Variants in ZC2HC1B observed in about 807,000 individuals in gnomAD.
ZC2HC1B encodes zinc finger C2HC domain-containing protein 1B.
In ZC2HC1B, 36 loss-of-function variants were observed where a neutral mutation model predicts 31.0. The observed-to-expected ratio is 1.16, with a 90% CI of 0.89 to 1.54. ZC2HC1B has a LOEUF of 1.54. Among genes scored for constraint, ZC2HC1B ranks in the 40% most tolerant of loss-of-function variants. The probability of loss-of-function intolerance (pLI) is 0.00; values close to 1 mark genes in which losing one functional copy is unlikely to be tolerated. For missense variants in ZC2HC1B, 260 were observed against 268.6 expected, an observed-to-expected ratio of 0.97 and a Z score of 0.22; for synonymous variants, 73 against 88.0, an observed-to-expected ratio of 0.83 and a Z score of 0.95.
chr6:143,926,493 AT>A lies in ZC2HC1B; in HGVS notation c.599-11146del, dbSNP rs35060996. Among the ~76,000 whole-genome samples, 98 of 150,696 alleles carry A rather than the reference AT, an allele frequency of 6.5e-4. 1 individual carries two copies. The Middle Eastern group carries it at 0.024, about 37-fold the overall frequency. On this transcript the variant is annotated intron_variant, in intron 6 of 7. Transcript: ENST00000237275. ...CTGAAAGGTATTTGATATGATTTTGATTTTTTTTTTAAATTTAGACTTGCTT... is the reference window on the plus strand; with the variant it reads ...CTGAAAGGTATTTGATATGATTTTGATTTTTTTTTAAATTTAGACTTGCTT...
Position 143,865,341 on chromosome 6 carries a change from G to A in ZC2HC1B, c.28+774G>A, listed in dbSNP as rs1167524205. On this transcript the variant is annotated intron_variant, in intron 1 of 7. Coordinates refer to ENST00000237275, the MANE Select transcript of ZC2HC1B (RefSeq NM_001013623.3). This position sits in a 1 kb window ranked among gnomAD's most constrained non-coding sequence, Gnocchi z 4.4. The stretch of plus-strand genomic sequence containing the variant: ...AAATGTAACTGGCAATACTATCGTG[G>A]TAAGTACCACTTGTAATTAGAATCT... 2.0e-5 allele frequency among the ~76,000 whole-genome samples: 3 copies of A among 152,208 alleles called. No individual in the cohort carries two copies. Among genetic ancestry groups the A allele is most frequent in the Non-Finnish European group, 2.9e-5 (2 of 68,046 alleles).
At position 143,937,768 on chromosome 6, in the gene ZC2HC1B, G is replaced by A. The variant is rs572254996; in HGVS notation, c.*14+35G>A. On this transcript the variant is annotated intron_variant, in intron 7 of 7. Coordinates refer to ENST00000237275, the MANE Select transcript of ZC2HC1B (RefSeq NM_001013623.3). ...AAAAATCACCGCTAATCCAGCTGTT[G>A]CTGACCAGTTAATGACTTTTAAGAG... 1.9e-5 allele frequency: 28 copies of A among 1,470,570 alleles called. No individual in the cohort carries two copies. The African/African-American group carries it at 2.3e-4, about 12-fold the overall frequency. 91.1% of individuals were successfully genotyped at this position (1,470,570 alleles called of 1,614,324 possible). A position where few individuals can be genotyped will look rare whatever the true frequency, so the allele number is the denominator to read the frequency against.
At chr6:143,909,508 T>G (rs1371448853) in intron 6 of ZC2HC1B, among the ~76,000 whole-genome samples, 1 of 151,606 alleles carries the variant, frequency 6.6e-6, no homozygotes, top group South Asian at 2.1e-4. Flanking sequence ...TGAATTCATC[T>G]GTGAATCTCT....
chr6:143,925,544 T>C (rs1778027046), intron 6 of ZC2HC1B, among the ~76,000 whole-genome samples: 1 of 148,580 alleles, frequency 6.7e-6, no homozygotes, highest in Non-Finnish European at 1.5e-5. Flanking sequence ...TTCTTTTTTT[T>C]TTTTTTTTTG....
chr6:143,893,986 T>G (rs1384254236), intron 4 of ZC2HC1B, among the ~76,000 whole-genome samples: 1 of 152,172 alleles, frequency 6.6e-6, no homozygotes, highest in African/African-American at 2.4e-5. Flanking sequence ...GCGCCCGGCC[T>G]GCACTGGTAT....
Position 143,886,917 on chromosome 6 carries a change from C to T in ZC2HC1B, c.349+96C>T. The T allele has an allele frequency of 4.5e-6, 5 of 1,123,484 alleles. No homozygotes were observed. Among genetic ancestry groups the T allele is most frequent in the Non-Finnish European group, 5.9e-6 (5 of 852,866 alleles). 69.6% of individuals were successfully genotyped at this position (1,123,484 alleles called of 1,614,324 possible). On this transcript the variant is annotated intron_variant, in intron 4 of 7. Coordinates refer to ENST00000237275, the MANE Select transcript of ZC2HC1B (RefSeq NM_001013623.3). The surrounding 1 kb of genome is among the most constrained non-coding windows in gnomAD (Gnocchi z 4.2). ...ACTCTGAAATTGACAATAACAATTA[C>T]ATAGAAGTAATTTTATTAATTATAT... is the stretch of plus-strand genomic sequence containing the variant.
intron 6 of ZC2HC1B, among the ~76,000 whole-genome samples, chr6:143,929,936 G>A (rs973649947): frequency 6.6e-6 from 1 of 152,078 alleles, no homozygotes; most frequent in African/African-American, 2.4e-5. Context: ...CAGTTGTAAT[G>A]TCTCCTTTTT....
intron 1 of ZC2HC1B, among the ~76,000 whole-genome samples, chr6:143,874,606 A>G (rs1406840774): frequency 6.6e-6 from 1 of 152,184 alleles, no homozygotes; most frequent in Non-Finnish European, 1.5e-5. Context: ...TGGTGGCAGC[A>G]AGAGAAAATG....
intron 6 of ZC2HC1B, among the ~76,000 whole-genome samples, chr6:143,919,100 ACTTTT>A (rs1313361729): frequency 3.3e-5 from 5 of 151,578 alleles, no homozygotes; most frequent in East Asian, 1.9e-4. Flanking sequence ...AAGGTGCTAT[ACTTTT>A]CTTTTTCTTT....
At chr6:143,935,774 C>T (rs1778171055) in intron 6 of ZC2HC1B, among the ~76,000 whole-genome samples, 1 of 150,088 alleles carries the variant, frequency 6.7e-6, no homozygotes, top group South Asian at 2.1e-4. Context: ...CTCACCTCAG[C>T]CTCCTGAGTA....
At chr6:143,932,893 T>C (rs1463268425) in intron 6 of ZC2HC1B, among the ~76,000 whole-genome samples, 1 of 152,070 alleles carries the variant, frequency 6.6e-6, no homozygotes, top group Non-Finnish European at 1.5e-5. Context: ...AGGAGCCAGA[T>C]TGTGGTGATT....
At chr6:143,906,091 G>C (rs78618361) in intron 6 of ZC2HC1B, among the ~76,000 whole-genome samples, 5,490 of 152,300 alleles carry the variant, frequency 0.036, 113 homozygotes, top group South Asian at 0.057. Flanking sequence ...TTTGGGAAAA[G>C]TCTGAGAAGG....
Position 143,884,921 on chromosome 6 carries a change from C to T in ZC2HC1B, c.90+556C>T, listed in dbSNP as rs1035883205. Among the ~76,000 whole-genome samples the T allele has an allele frequency of 4.6e-5, 7 of 152,052 alleles. No homozygotes were observed. Among genetic ancestry groups the T allele is most frequent in the East Asian group, 3.9e-4 (2 of 5,192 alleles). ...TAATTGTTGTACAGATTCAAGCTAACGGCATGTCAAGTCCCCGATTGATGG... is the reference window on the plus strand; with the variant it reads ...TAATTGTTGTACAGATTCAAGCTAATGGCATGTCAAGTCCCCGATTGATGG... On this transcript the variant is annotated intron_variant, in intron 2 of 7. Coordinates refer to ENST00000237275, the MANE Select transcript of ZC2HC1B (RefSeq NM_001013623.3). The surrounding 1 kb of genome is among the most constrained non-coding windows in gnomAD (Gnocchi z 5.1).
chr6:143,864,739 C>A (rs893287192), intron 1 of ZC2HC1B, among the ~76,000 whole-genome samples, 172 bp downstream of exon 1: 5 of 152,186 alleles, frequency 3.3e-5, no homozygotes, highest in Non-Finnish European at 5.9e-5. Flanking sequence ...ATTAGGTATT[C>A]TACCAACATT....
At position 143,886,047 on chromosome 6, in the gene ZC2HC1B, A is replaced by C. The variant is rs780707947; in HGVS notation, c.106A>C (p.Ile36Leu). ...AADVLERHGP[I>L]CKKLFNRKRK... is the part of the protein sequence containing the mutation. ...CGTTTTCTAGGAAAGGCATGGACCA[A>C]TATGTAAGAAACTCTTCAACAGAAA... The change falls in exon 3 of 8, where the codon ATA becomes CTA. Residue 36 changes from isoleucine to leucine, a missense_variant. Transcript: ENST00000237275. This position sits in a 1 kb window ranked among gnomAD's most constrained non-coding sequence, Gnocchi z 4.2. 1 of 1,536,748 alleles carries C rather than the reference A, an allele frequency of 6.5e-7. No individual in the cohort carries two copies. The highest frequency in any genetic ancestry group is 1.4e-5 in the African/African-American group (1 of 72,100).
chr6:143,937,634 T>A lies in ZC2HC1B; in HGVS notation c.599-15T>A. The A allele has an allele frequency of 6.5e-7, 1 of 1,541,696 alleles. No individual in the cohort carries two copies. Among genetic ancestry groups the A allele is most frequent in the South Asian group, 1.2e-5 (1 of 81,612 alleles). ...CTGCTTTGACATAATAACAAATCTG[T>A]TTATGTTTGCAAAGGATTAGCTATG... On this transcript the variant is annotated splice_polypyrimidine_tract_variant and intron_variant, in intron 6 of 7. Transcript: ENST00000237275.
At chr6:143,912,157 G>A (rs1171432895) in intron 6 of ZC2HC1B, among the ~76,000 whole-genome samples, 1 of 151,940 alleles carries the variant, frequency 6.6e-6, no homozygotes, top group African/African-American at 2.4e-5. Context: ...TTGGGCTCTC[G>A]GCTCCTGTAT....
chr6:143,876,994 C>A (rs1322657535), intron 1 of ZC2HC1B, among the ~76,000 whole-genome samples: 2 of 150,472 alleles, frequency 1.3e-5, no homozygotes, highest in Non-Finnish European at 3.0e-5. Flanking sequence ...TACTTTGCAT[C>A]CTTCAATTCA....
Position 143,871,227 on chromosome 6 carries a change from C to T in ZC2HC1B, c.28+6660C>T, listed in dbSNP as rs987065312. On this transcript the variant is annotated intron_variant, in intron 1 of 7. Coordinates refer to ENST00000237275, the MANE Select transcript of ZC2HC1B (RefSeq NM_001013623.3). This position sits in a 1 kb window ranked among gnomAD's most constrained non-coding sequence, Gnocchi z 4.1. ...AGTCCAGTGTGTTTACTACTTCTTG[C>T]TCACTGGATCCAGTCAGCATAATGT... Among the ~76,000 whole-genome samples, 1 of 152,194 alleles carries T rather than the reference C, an allele frequency of 6.6e-6. No individual in the cohort carries two copies. Among genetic ancestry groups the T allele is most frequent in the Non-Finnish European group, 1.5e-5 (1 of 68,040 alleles).
Sources: gnomAD v4.1 joint callset for allele counts (sites outside exome capture counted in the v4.1 genomes callset) on GRCh38, gnomAD v4.1.1 for gene constraint, Gnocchi (gnomAD v3.1) non-coding constraint, MANE v1.5 for transcripts, NCBI Gene and HGNC (gene_info 2026-07-23, HGNC 2026-07-21) for gene names.